Variants in PEPD observed in about 807,000 individuals in gnomAD.
The protein encoded by PEPD is xaa-Pro dipeptidase.
PEPD carries 53 observed loss-of-function variants against 60.7 expected under a neutral mutation model. The ratio of observed to expected loss-of-function variants is 0.87; its 90% CI spans 0.70 to 1.10. The LOEUF is 1.10. PEPD is among the 50% of genes least tolerant of loss of function. The pLI, the probability that PEPD is intolerant of heterozygous loss-of-function variation, is 0.00. For synonymous variants in PEPD, 267 were observed against 284.1 expected, an observed-to-expected ratio of 0.94 and a Z score of 0.60; for missense variants, 711 against 711.9, an observed-to-expected ratio of 1.00 and a Z score of 0.01.
chr19:33,480,106 C>G (rs4805892), intron 6 of PEPD, among the ~76,000 whole-genome samples: 1 of 152,118 alleles, frequency 6.6e-6, no homozygotes, highest in African/African-American at 2.4e-5. Flanking sequence ...TAATAAAAGC[C>G]AGACAGAATG....
chr19:33,491,516 G>A (rs1341498687), intron 5 of PEPD, among the ~76,000 whole-genome samples: 1 of 152,154 alleles, frequency 6.6e-6, no homozygotes, highest in Non-Finnish European at 1.5e-5. Context: ...TATTTAGTAA[G>A]GCCATTTTCA....
At chr19:33,440,832 C>T (rs916120611) in intron 9 of PEPD, among the ~76,000 whole-genome samples, 1 of 152,208 alleles carries the variant, frequency 6.6e-6, no homozygotes, top group East Asian at 1.9e-4. Context: ...TAGAAGAGTG[C>T]CTGGCACCTG....
chr19:33,484,002 A>G (rs1429833273), intron 6 of PEPD, among the ~76,000 whole-genome samples: 1 of 152,154 alleles, frequency 6.6e-6, no homozygotes, highest in African/African-American at 2.4e-5. Context: ...CAGCCCTTCT[A>G]GCTGAGCCAA....
Position 33,454,644 on chromosome 19 carries a change from A to T in PEPD, c.671+8351T>A, listed in dbSNP as rs188623404. ...AGAAAGAAAGTACAATTTCAAGTTT[A>T]AAAAAAAAAGGTTGAACAAATAAAT... is the stretch of plus-strand genomic sequence containing the variant. On this transcript the variant is annotated intron_variant, in intron 9 of 14. Coordinates refer to ENST00000244137, the MANE Select transcript of PEPD (RefSeq NM_000285.4). 1.8e-4 allele frequency among the ~76,000 whole-genome samples: 27 copies of T among 146,140 alleles called. 2 individuals are homozygous for T. In the East Asian group the frequency reaches 3.1e-3, roughly 17 times the overall value.
chr19:33,493,383 C>T, intron 4 of PEPD, 46 bp from the exon 5 acceptor site: 1 of 1,334,440 alleles, frequency 7.5e-7, no homozygotes, highest in South Asian at 1.2e-5. Flanking sequence ...ACCACTAAGC[C>T]TAATGAAGAT....
chr19:33,512,938 C>T (rs1451113774), intron 1 of PEPD, among the ~76,000 whole-genome samples, 162 bp from the exon 2 acceptor site: 1 of 152,036 alleles, frequency 6.6e-6, no homozygotes, highest in Non-Finnish European at 1.5e-5. Flanking sequence ...CCAGAAACAG[C>T]CCCTCACTGA....
chr19:33,471,532 C>T (rs1434527154), intron 7 of PEPD, among the ~76,000 whole-genome samples: 1 of 152,194 alleles, frequency 6.6e-6, no homozygotes, highest in Non-Finnish European at 1.5e-5. Flanking sequence ...GGTCCACCGG[C>T]CCCTGGAGTG....
chr19:33,495,585 C>G (rs751239936), intron 4 of PEPD, among the ~76,000 whole-genome samples: 4 of 152,140 alleles, frequency 2.6e-5, no homozygotes, highest in Non-Finnish European at 5.9e-5. Context: ...GCTCCTGGCC[C>G]AATGATCCTC....
intron 9 of PEPD, among the ~76,000 whole-genome samples, chr19:33,440,949 C>A (rs1969470092): frequency 6.6e-6 from 1 of 152,168 alleles, no homozygotes; most frequent in Non-Finnish European, 1.5e-5. Flanking sequence ...CCTGACTTCC[C>A]AGGATGGGTG....
At chr19:33,463,112 C>G in intron 8 of PEPD, 71 bp from the exon 9 acceptor site, 2 of 917,820 alleles carry the variant, frequency 2.2e-6, no homozygotes, top group Non-Finnish European at 3.7e-6. Flanking sequence ...AAATAACATA[C>G]AGCACTTCTT....
At chr19:33,435,996 C>T (rs1969368367) in intron 9 of PEPD, among the ~76,000 whole-genome samples, 1 of 152,174 alleles carries the variant, frequency 6.6e-6, no homozygotes, top group Admixed American at 6.5e-5. Flanking sequence ...GAATATGGGT[C>T]TGAGGTTAGC....
intron 1 of PEPD, among the ~76,000 whole-genome samples, chr19:33,521,146 G>C (rs1971123066): frequency 6.6e-6 from 1 of 152,230 alleles, no homozygotes; most frequent in African/African-American, 2.4e-5. Context: ...CTGTGTGCAA[G>C]GCACCGGGCT....
At chr19:33,388,302 T>A (rs754736305) in intron 13 of PEPD, 1 of 680,474 alleles carries the variant, frequency 1.5e-6, no homozygotes, top group Non-Finnish European at 2.7e-6. Context: ...CTGGCCACAC[T>A]ACCCTAGGGC....
intron 7 of PEPD, among the ~76,000 whole-genome samples, 179 bp downstream of exon 7, chr19:33,477,867 A>G (rs1289128201): frequency 6.6e-6 from 1 of 152,186 alleles, no homozygotes; most frequent in African/African-American, 2.4e-5. Flanking sequence ...CTTTCAAAAA[A>G]AGTACGGCCA....
intron 12 of PEPD, among the ~76,000 whole-genome samples, chr19:33,397,960 A>G (rs1267980618): frequency 1.3e-5 from 2 of 152,140 alleles, no homozygotes; most frequent in Admixed American, 6.5e-5. Context: ...GCTGGCCAGG[A>G]TGCCAGCTGT....
chr19:33,521,338 C>T (rs996255125), intron 1 of PEPD, among the ~76,000 whole-genome samples: 3 of 152,248 alleles, frequency 2.0e-5, no homozygotes, highest in South Asian at 2.1e-4. Context: ...TGGGGAAGTG[C>T]CCTGCTGGGA....
chr19:33,393,728 G>A (rs1025355957), intron 12 of PEPD, among the ~76,000 whole-genome samples: 4 of 152,208 alleles, frequency 2.6e-5, no homozygotes, highest in South Asian at 2.1e-4. Flanking sequence ...GGGGGTGTGC[G>A]CCAAGCCTGC....
At chr19:33,436,097 G>T (rs1969370281) in intron 9 of PEPD, among the ~76,000 whole-genome samples, 1 of 152,056 alleles carries the variant, frequency 6.6e-6, no homozygotes, top group Non-Finnish European at 1.5e-5. Context: ...AAGAAGCAGA[G>T]GAGTGGGAGG....
At chr19:33,488,713 A>G (rs1365567725) in intron 6 of PEPD, among the ~76,000 whole-genome samples, 1 of 152,128 alleles carries the variant, frequency 6.6e-6, no homozygotes, top group East Asian at 1.9e-4. Flanking sequence ...TGCTCTTAGC[A>G]TAGGGGGAGG....
Sources: allele counts gnomAD v4.1 joint callset (sites outside exome capture counted in the v4.1 genomes callset), GRCh38; gene constraint gnomAD v4.1.1; transcripts MANE v1.5; gene names NCBI Gene and HGNC (gene_info 2026-07-23, HGNC 2026-07-21).